IL18RAP: variants seen among roughly 807,000 people sequenced by gnomAD.
The protein encoded by IL18RAP is interleukin-18 receptor accessory protein.
Under a neutral mutation model 58.1 loss-of-function variants are expected in IL18RAP, and 37 were observed. The observed-to-expected ratio is 0.64, with a 90% confidence interval of 0.49 to 0.84. The LOEUF (loss-of-function observed/expected upper bound fraction) is 0.84, where lower values mean the gene tolerates loss of function less well. Ranked by LOEUF, IL18RAP falls within the 40% of genes least tolerant of loss-of-function variation. The probability of loss-of-function intolerance (pLI) is 0.00; values close to 1 mark genes in which losing one functional copy is unlikely to be tolerated. For synonymous variants in IL18RAP, 268 were observed against 257.5 expected (o/e 1.04, Z -0.39); for missense variants, 667 against 704.8 (o/e 0.95, Z 0.61).
chr2:102,448,622 G>C (rs1408986384), intron 8 of IL18RAP, among the ~76,000 whole-genome samples: 2 of 152,148 alleles, frequency 1.3e-5, no homozygotes, highest in Non-Finnish European at 2.9e-5. Context: ...TAGGAATTCA[G>C]TGAGGAGTTG....
chr2:102,424,532 G>T, intron 3 of IL18RAP, 118 bp downstream of exon 3: 1 of 849,480 alleles, frequency 1.2e-6, no homozygotes. Flanking sequence ...TCAAAAACTG[G>T]CCCTGTGCCT....
intron 2 of IL18RAP, 38 bp from the exon 3 acceptor site, chr2:102,424,193 A>T: frequency 6.2e-7 from 1 of 1,610,122 alleles, no homozygotes; most frequent in African/African-American, 1.3e-5. Flanking sequence ...TTATCTAGAC[A>T]AAATATCTAT....
At chr2:102,437,109 C>A (rs1682798632) in intron 3 of IL18RAP, 103 bp from the exon 4 acceptor site, 2 of 1,041,066 alleles carry the variant, frequency 1.9e-6, no homozygotes, top group Admixed American at 2.4e-5. Context: ...CTCAGATTGA[C>A]CTTCTTCCTC....
rs1286346643 is a variant in IL18RAP, at chr2:102,443,326, A to G, written c.920+3A>G. 6.2e-7 allele frequency: 1 copy of G among 1,611,254 alleles called. No individual in the cohort carries two copies. Among genetic ancestry groups the G allele is most frequent in the Non-Finnish European group, 8.5e-7 (1 of 1,179,534 alleles). ...GTCTCAGTACCTGAGGCGAAAAGGT[A>G]AGAAAAAAACTCACGGATTCTGTTC... On this transcript the variant is annotated splice_donor_region_variant and intron_variant, in intron 6 of 9. Transcript: ENST00000687160.
At chr2:102,451,453 T>C (rs1439390052) in intron 9 of IL18RAP, among the ~76,000 whole-genome samples, 1 of 152,192 alleles carries the variant, frequency 6.6e-6, no homozygotes, top group Non-Finnish European at 1.5e-5. Flanking sequence ...GCTGGCCTCC[T>C]CCTCCTCAGA....
rs11465739 is a variant in IL18RAP, at chr2:102,452,377, C to T, written c.*196C>T. On this transcript the variant is annotated 3_prime_UTR_variant, in exon 10 of 10. Transcript: ENST00000687160. ...CCTTTGATTTCCTGGACTGGACTGA[C>T]GGCGAGTGAATTCTCTAGACCTTGG... The T allele has an allele frequency of 4.4e-4, 232 of 527,786 alleles. No homozygotes were observed. Among genetic ancestry groups the T allele is most frequent in the African/African-American group, 3.3e-3 (174 of 52,828 alleles). 32.7% of individuals were successfully genotyped at this position (527,786 alleles called of 1,614,324 possible).
chr2:102,424,359 G>A lies in IL18RAP; in HGVS notation c.524G>A (p.Cys175Tyr). The change falls in exon 3 of 10, where the codon TGC becomes TAC. Residue 175 changes from cysteine (C) to tyrosine (Y), a missense_variant. By Grantham distance (194) the Cys-to-Tyr change is radical. Transcript: ENST00000687160. ...LLLGSTGSISCPSLSCQSDAQ... is the reference protein window; with the variant it reads ...LLLGSTGSISYPSLSCQSDAQ... ...CTTGGGAGCACTGGCTCTATTTCTT[G>A]CCCCAGTCTCAGCTGCCAAAGTGAT... is the stretch of plus-strand genomic sequence containing the variant. 1 of 1,614,042 alleles carries A rather than the reference G, an allele frequency of 6.2e-7. No homozygotes were observed. Among genetic ancestry groups the A allele is most frequent in the South Asian group, 1.1e-5 (1 of 91,084 alleles).
rs1358220701 is a variant in IL18RAP at position 102,436,717 on chromosome 2, A to G, written c.580-495A>G. 3.3e-5 allele frequency among the ~76,000 whole-genome samples: 5 copies of G among 152,150 alleles called. 1 individual carries two copies. Among genetic ancestry groups the G allele is most frequent in the Non-Finnish European group, 7.3e-5 (5 of 68,030 alleles). On this transcript the variant is annotated intron_variant, in intron 3 of 9. Transcript: ENST00000687160. ...CACTCACGTTCCAGAACCTCTGTTTATATAAGTTTTTATTTATAAGTATGT... is the reference window on the plus strand; with the variant it reads ...CACTCACGTTCCAGAACCTCTGTTTGTATAAGTTTTTATTTATAAGTATGT...
intron 3 of IL18RAP, among the ~76,000 whole-genome samples, chr2:102,431,449 G>A (rs1016559634): frequency 3.9e-5 from 6 of 152,176 alleles, no homozygotes; most frequent in Admixed American, 3.9e-4. Context: ...TCCTATGCAT[G>A]AATGTCATCT....
intron 7 of IL18RAP, 59 bp from the exon 8 acceptor site, chr2:102,447,011 A>G (rs1260481114): frequency 2.6e-6 from 4 of 1,561,934 alleles, no homozygotes; most frequent in African/African-American, 1.4e-5. Flanking sequence ...CGGCCTGAAC[A>G]TGGTCTTGGT....
In IL18RAP at chr2:102,424,303, G is replaced by A. The variant is rs999501119; in HGVS notation, c.468G>A (p.Glu156=). ...AGCCCCAGACAAATGCATCCTGTGA[G>A]TATTCCGCATCACATAAGCAAGACC... The part of the protein sequence containing the change: ...EVKPQTNASC[E]YSASHKQDLL... Residue 156 remains glutamate (E), a synonymous_variant, in exon 3 of 10, where the codon GAG becomes GAA. Transcript: ENST00000687160. 12 of 1,614,054 alleles carry A rather than the reference G, an allele frequency of 7.4e-6. No individual in the cohort carries two copies. Among genetic ancestry groups the A allele is most frequent in the Non-Finnish European group, 1.0e-5 (12 of 1,179,920 alleles).
chr2:102,450,738 A>T (rs1162565308), intron 8 of IL18RAP, 110 bp from the exon 9 acceptor site: 10 of 584,688 alleles, frequency 1.7e-5, no homozygotes, highest in Non-Finnish European at 2.7e-5. Context: ...CAGGATCCCA[A>T]ATATTATTTC....
In IL18RAP at chr2:102,446,350, A is replaced by C. The variant is rs184032224; in HGVS notation, c.1073-720A>C. On this transcript the variant is annotated intron_variant, in intron 7 of 9. Transcript: ENST00000687160. ...CAGGTGGTTTTTGGTTACATGGATAAGTTCTTCAATCTGAAAATCTTTAGA... is the reference window on the plus strand; with the variant it reads ...CAGGTGGTTTTTGGTTACATGGATACGTTCTTCAATCTGAAAATCTTTAGA... Among the ~76,000 whole-genome samples, 574 of 152,112 alleles carry C rather than the reference A, an allele frequency of 3.8e-3. 1 individual carries two copies. The highest frequency in any genetic ancestry group is 7.5e-3 in the Admixed American group (114 of 15,282).
chr2:102,450,783 GT>G (rs1683713202), intron 8 of IL18RAP, 64 bp from the exon 9 acceptor site: 1 of 962,046 alleles, frequency 1.0e-6, no homozygotes, highest in Non-Finnish European at 1.5e-6. Flanking sequence ...GCATATGTAT[GT>G]GTACCATAAC....
At chr2:102,430,680 T>C (rs1167850619) in intron 3 of IL18RAP, among the ~76,000 whole-genome samples, 1 of 152,130 alleles carries the variant, frequency 6.6e-6, no homozygotes, top group Non-Finnish European at 1.5e-5. Flanking sequence ...TTTGGTGCTA[T>C]GCTTTGAATC....
intron 6 of IL18RAP, 143 bp from the exon 7 acceptor site, chr2:102,445,046 C>A (rs2104373316): frequency 6.4e-6 from 4 of 628,986 alleles, no homozygotes. Flanking sequence ...TTTTGACCAT[C>A]TTACATTCTC....
chr2:102,432,904 GC>G (rs1451616494), intron 3 of IL18RAP, among the ~76,000 whole-genome samples: 1 of 151,860 alleles, frequency 6.6e-6, no homozygotes, highest in Admixed American at 6.5e-5. Context: ...TGAAAAAATA[GC>G]CTTGGCATAA....
intron 3 of IL18RAP, among the ~76,000 whole-genome samples, chr2:102,425,547 C>G (rs1681886448): frequency 6.6e-6 from 1 of 152,166 alleles, no homozygotes; most frequent in African/African-American, 2.4e-5. Context: ...CAGAAACATT[C>G]ATTTCATAAC....
chr2:102,447,293 C>T, intron 8 of IL18RAP, 86 bp downstream of exon 8: 1 of 1,451,406 alleles, frequency 6.9e-7, no homozygotes, highest in Non-Finnish European at 9.4e-7. Context: ...ATCACTACCC[C>T]TTGGCTTTGT....
Sources: gnomAD v4.1 joint callset for allele counts (sites outside exome capture counted in the v4.1 genomes callset) on GRCh38, gnomAD v4.1.1 for gene constraint, MANE v1.5 for transcripts, NCBI Gene and HGNC (gene_info 2026-07-23, HGNC 2026-07-21) for gene names.